The following ZNF718 variants were observed in gnomAD, a reference collection of about 807,000 sequenced individuals.
The protein encoded by ZNF718 is zinc finger protein 718.
ZNF718 carries 3 observed loss-of-function variants against 2.6 expected under a neutral mutation model. The observed-to-expected ratio is 1.16, with a 90% CI of 0.53 to 3.01. The LOEUF (loss-of-function observed/expected upper bound fraction) is 3.01. ZNF718 is among the 30% of genes most tolerant of loss of function. The probability of loss-of-function intolerance (pLI) is 0.03; values close to 1 mark genes in which losing one functional copy is unlikely to be tolerated. For synonymous variants in ZNF718, 135 were observed against 77.9 expected (o/e 1.73, Z -3.86); for missense variants, 468 against 230.0 (o/e 2.03, Z -6.69).
intron 2 of ZNF718, among the ~76,000 whole-genome samples, 197 bp from the exon 3 acceptor site, chr4:131,213 C>T (rs1207478624): frequency 4.8e-5 from 5 of 103,658 alleles, no homozygotes; most frequent in Non-Finnish European, 1.1e-4. Context: ...ATTTTTGATT[C>T]AGTAGTACTC....
intron 3 of ZNF718, among the ~76,000 whole-genome samples, chr4:155,372 C>T (rs1553813481): frequency 6.6e-6 from 1 of 152,176 alleles, no homozygotes; most frequent in Non-Finnish European, 1.5e-5. Context: ...AGACACTCAA[C>T]ACCAGCCCAT....
chr4:171,523 C>G (rs550631229), intron 3 of ZNF718, among the ~76,000 whole-genome samples: 2 of 152,096 alleles, frequency 1.3e-5, no homozygotes, highest in Non-Finnish European at 2.9e-5. Context: ...CTTTGTTTAC[C>G]CCCTCAAGCC....
At chr4:148,099 C>T (rs1260401150) in intron 3 of ZNF718, among the ~76,000 whole-genome samples, 3 of 152,146 alleles carry the variant, frequency 2.0e-5, no homozygotes, top group African/African-American at 4.8e-5. Flanking sequence ...GGGTTCACGG[C>T]ATTTATGCCT....
chr4:183,274 T>G (rs1717503108), intron 3 of ZNF718, among the ~76,000 whole-genome samples: 2 of 152,184 alleles, frequency 1.3e-5, no homozygotes, highest in African/African-American at 4.8e-5. Context: ...TCCCATTGCT[T>G]GTTTTTGTCA....
intron 3 of ZNF718, among the ~76,000 whole-genome samples, chr4:156,460 G>C (rs1488613062): frequency 6.6e-6 from 1 of 150,956 alleles, no homozygotes; most frequent in African/African-American, 2.4e-5. Flanking sequence ...TCATACCTCT[G>C]TATCTCTTCT....
rs1258303094 is a variant in ZNF718 at position 133,195 on chromosome 4, A to AAAAATAT, written c.226+1691_226+1692insAAATATA. Among the ~76,000 whole-genome samples, 38 of 20,768 alleles carry AAAAATAT rather than the reference A, an allele frequency of 1.8e-3. 1 individual carries two copies. Among genetic ancestry groups the AAAAATAT allele is most frequent in the Middle Eastern group, 0.045 (1 of 22 alleles). The allele number at this position is 20,768 out of a possible 152,430, so 13.6% of individuals were successfully genotyped here. ...TCCATCTTAAAAAAAAAAAAAAAAA[A>AAAAATAT]ATATATATATATATATATATATATA... On this transcript the variant is annotated intron_variant, in intron 3 of 3. Coordinates refer to ENST00000510175, the MANE Select transcript of ZNF718 (RefSeq NM_001039127.6).
chr4:126,074 G>T (rs1715202594), intron 1 of ZNF718, among the ~76,000 whole-genome samples: 1 of 152,164 alleles, frequency 6.6e-6, no homozygotes, highest in Non-Finnish European at 1.5e-5. Flanking sequence ...GTTGTGCCCT[G>T]CCCCCACCCC....
chr4:175,188 A>G (rs782385297), intron 3 of ZNF718, among the ~76,000 whole-genome samples: 1 of 152,228 alleles, frequency 6.6e-6, no homozygotes, highest in Admixed American at 6.5e-5. Flanking sequence ...CCTAAGTGAC[A>G]CTTGCAACAA....
chr4:189,056 A>ATTT (rs200846758), intron 3 of ZNF718, among the ~76,000 whole-genome samples: 3 of 138,988 alleles, frequency 2.2e-5, no homozygotes, highest in Non-Finnish European at 4.7e-5. Flanking sequence ...GAATCTGTAG[A>ATTT]TTATTTTTTT....
Position 160,915 on chromosome 4 carries a change from T to G in ZNF718, c.230T>G (p.Val77Gly), listed in dbSNP as rs570060965. Residue 77 changes from valine to glycine, a missense_variant, in exon 4 of 4, where the codon GTG becomes GGG. By Grantham distance (109) the Val-to-Gly change is moderately radical (BLOSUM62 -3). Transcript: ENST00000510175. ...IHETAARPPA[V>G]CSHFTQNLWT... ...TTGTTATTTTTATTTCTTTCAGCTGTGTGTTCTCATTTCACCCAAAACCTT... is the reference window on the plus strand; with the variant it reads ...TTGTTATTTTTATTTCTTTCAGCTGGGTGTTCTCATTTCACCCAAAACCTT... 5.3e-6 allele frequency: 4 copies of G among 756,424 alleles called. No individual in the cohort carries two copies. The African/African-American group carries it at 7.0e-5, about 13-fold the overall frequency. The allele number at this position is 756,424 out of a possible 1,614,324, so 46.9% of individuals were successfully genotyped here.
downstream of ZNF718, among the ~76,000 whole-genome samples, chr4:166,282 C>T (rs1204132613): frequency 6.6e-6 from 1 of 152,196 alleles, no homozygotes; most frequent in Non-Finnish European, 1.5e-5. Flanking sequence ...CAAGTCTTTG[C>T]TATTGTGAAT....
chr4:148,542 G>A (rs1553811816), intron 3 of ZNF718, among the ~76,000 whole-genome samples: 2 of 150,470 alleles, frequency 1.3e-5, no homozygotes, highest in African/African-American at 4.9e-5. Flanking sequence ...CTGGGAGCTG[G>A]AGGTTGCAGT....
At chr4:171,890 G>A (rs757014780) in intron 3 of ZNF718, among the ~76,000 whole-genome samples, 9 of 152,120 alleles carry the variant, frequency 5.9e-5, no homozygotes, top group Non-Finnish European at 1.3e-4. Flanking sequence ...AGATGAACCC[G>A]GTACCTCAGT....
rs1216863382 is a variant in ZNF718 at position 149,218 on chromosome 4, A to G, written c.227-11694A>G. 2.0e-5 allele frequency among the ~76,000 whole-genome samples: 3 copies of G among 152,196 alleles called. 1 individual carries two copies. Among genetic ancestry groups the G allele is most frequent in the Non-Finnish European group, 4.4e-5 (3 of 68,042 alleles). On this transcript the variant is annotated intron_variant, in intron 3 of 3. Coordinates refer to ENST00000510175, the MANE Select transcript of ZNF718 (RefSeq NM_001039127.6). ...TGAAATAAAATGCCCAAGTTTACAC[A>G]TTGTGTAATAAGTACATGTATTGAC...
intron 3 of ZNF718, among the ~76,000 whole-genome samples, chr4:187,107 T>C (rs1553820554): frequency 6.6e-6 from 1 of 152,200 alleles, no homozygotes; most frequent in South Asian, 2.1e-4. Flanking sequence ...TGTTGTCGTT[T>C]GTCTGTTTGT....
intron 3 of ZNF718, among the ~76,000 whole-genome samples, chr4:193,376 T>C (rs1433114956): frequency 6.6e-6 from 1 of 152,148 alleles, no homozygotes; most frequent in Non-Finnish European, 1.5e-5. Context: ...AAGTTAGGAA[T>C]TCCCTTTCTC....
At chr4:126,309 C>T (rs1553808008) in intron 1 of ZNF718, among the ~76,000 whole-genome samples, 3 of 152,178 alleles carry the variant, frequency 2.0e-5, no homozygotes, top group African/African-American at 2.4e-5. Flanking sequence ...TGCTCTTCTC[C>T]CTTTTCTTAA....
intron 3 of ZNF718, among the ~76,000 whole-genome samples, chr4:185,906 T>G (rs1417809317): frequency 6.6e-6 from 1 of 152,108 alleles, no homozygotes; most frequent in Non-Finnish European, 1.5e-5. Context: ...GTGAGATGGG[T>G]CTTTTGAAGA....
intron 3 of ZNF718, among the ~76,000 whole-genome samples, chr4:176,541 T>C (rs1717349262): frequency 6.6e-6 from 1 of 152,178 alleles, no homozygotes; most frequent in Admixed American, 6.5e-5. Context: ...CACAAGCTTT[T>C]TTAACTTTCA....
Sources: gnomAD v4.1 joint callset for allele counts (sites outside exome capture counted in the v4.1 genomes callset) on GRCh38, gnomAD v4.1.1 for gene constraint, MANE v1.5 for transcripts, NCBI Gene and HGNC (gene_info 2026-07-23, HGNC 2026-07-21) for gene names.